ACMSD: variants seen among roughly 807,000 people sequenced by gnomAD.
The protein encoded by ACMSD is 2-amino-3-carboxymuconate-6-semialdehyde decarboxylase.
ACMSD carries 37 observed loss-of-function variants against 45.9 expected under a neutral mutation model. That is an observed-to-expected ratio of 0.81 (90% confidence interval 0.62 to 1.06). The LOEUF is 1.06. Among genes scored for constraint, ACMSD ranks in the 50% least tolerant of loss-of-function variants. The pLI, the probability that ACMSD is intolerant of heterozygous loss-of-function variation, is 0.00. For missense variants in ACMSD, 434 were observed against 420.9 expected (o/e 1.03, Z -0.27); for synonymous variants, 138 against 148.8 (o/e 0.93, Z 0.53).
intron 8 of ACMSD, among the ~76,000 whole-genome samples, chr2:134,881,029 T>C (rs143847924): frequency 3.3e-5 from 5 of 152,252 alleles, no homozygotes; most frequent in African/African-American, 1.2e-4. Flanking sequence ...AGACAAAGTC[T>C]CACTCTGTCA....
intron 8 of ACMSD, among the ~76,000 whole-genome samples, chr2:134,878,623 G>A (rs928622316): frequency 6.6e-6 from 1 of 152,174 alleles, no homozygotes; most frequent in Admixed American, 6.5e-5. Context: ...CACTGTGCCA[G>A]GCCAATTCAA....
At chr2:134,872,330 C>G in intron 7 of ACMSD, 139 bp from the exon 8 acceptor site, 1 of 878,942 alleles carries the variant, frequency 1.1e-6, no homozygotes, top group East Asian at 2.6e-5. Context: ...TCCATCATCT[C>G]CCAGCATTCA....
intron 8 of ACMSD, among the ~76,000 whole-genome samples, chr2:134,886,246 A>ATTATTATTTTTTTTTTTTTTTTTT: frequency 8.7e-6 from 1 of 115,474 alleles, no homozygotes; most frequent in African/African-American, 3.6e-5. Flanking sequence ...TATTATTATT[A>ATTATTATTTTTTTTTTTTTTTTTT]TTTTTTTTTT....
intron 1 of ACMSD, among the ~76,000 whole-genome samples, chr2:134,841,645 T>C (rs887520709): frequency 6.6e-6 from 1 of 152,274 alleles, no homozygotes; most frequent in East Asian, 1.9e-4. Context: ...GTGAAAGATG[T>C]TTCAGGTTGA....
At chr2:134,861,143 C>T (rs1305250742) in intron 3 of ACMSD, among the ~76,000 whole-genome samples, 2 of 152,118 alleles carry the variant, frequency 1.3e-5, no homozygotes, top group Non-Finnish European at 2.9e-5. Flanking sequence ...TCCCTCTGTT[C>T]TAAAAGTATA....
At chr2:134,888,349 A>T (rs1689575884) in intron 8 of ACMSD, among the ~76,000 whole-genome samples, 1 of 152,214 alleles carries the variant, frequency 6.6e-6, no homozygotes. Context: ...TGAATAGCCA[A>T]AAACAAAAAA....
intron 8 of ACMSD, among the ~76,000 whole-genome samples, chr2:134,894,010 T>G (rs1254780535): frequency 1.3e-5 from 2 of 152,108 alleles, no homozygotes; most frequent in African/African-American, 2.4e-5. Context: ...ATGCCTATAT[T>G]AAAAAAGAAG....
At chr2:134,838,925 T>C (rs1034684730) in intron 1 of ACMSD, among the ~76,000 whole-genome samples, 186 bp downstream of exon 1, 4 of 152,212 alleles carry the variant, frequency 2.6e-5, no homozygotes, top group African/African-American at 4.8e-5. Flanking sequence ...TGAAATAACA[T>C]TGGATTAAAG....
At chr2:134,851,429 C>T (rs1687339336) in intron 2 of ACMSD, among the ~76,000 whole-genome samples, 1 of 151,970 alleles carries the variant, frequency 6.6e-6, no homozygotes, top group African/African-American at 2.4e-5. Flanking sequence ...ACATTCCTAC[C>T]AACAGTGTAG....
At chr2:134,878,710 C>T (rs143666443) in intron 8 of ACMSD, among the ~76,000 whole-genome samples, 29 of 152,344 alleles carry the variant, frequency 1.9e-4, no homozygotes, top group African/African-American at 7.0e-4. Context: ...GCAGTTTGTA[C>T]AGACTGCTTA....
intron 2 of ACMSD, among the ~76,000 whole-genome samples, chr2:134,847,299 C>A (rs1381991938): frequency 6.6e-6 from 1 of 151,752 alleles, no homozygotes; most frequent in Non-Finnish European, 1.5e-5. Flanking sequence ...TCAGACAGGG[C>A]CATGAAGGAT....
In ACMSD at chr2:134,838,721, A is replaced by G. The variant is rs1686646584; in HGVS notation, c.39A>G (p.Glu13=). ...TCCATAGTCATATTCTACCAAAAGA[A>G]TGGCCAGATCTAAAAAAGGTAATGG... The part of the protein sequence containing the change: ...IDIHSHILPK[E]WPDLKKRFGY... Residue 13 remains glutamate, a synonymous_variant, in exon 1 of 10, where the codon GAA becomes GAG. Coordinates refer to ENST00000356140, the MANE Select transcript of ACMSD (RefSeq NM_138326.3). 6.2e-7 allele frequency: 1 copy of G among 1,611,820 alleles called. No homozygotes were observed. Among genetic ancestry groups the G allele is most frequent in the African/African-American group, 1.3e-5 (1 of 74,876 alleles).
intron 2 of ACMSD, among the ~76,000 whole-genome samples, chr2:134,848,382 T>C (rs1184868770): frequency 3.3e-5 from 5 of 152,180 alleles, no homozygotes; most frequent in Non-Finnish European, 7.3e-5. Flanking sequence ...TTGAACTAAC[T>C]TACACCCCCA....
intron 8 of ACMSD, among the ~76,000 whole-genome samples, chr2:134,888,892 G>GATGAAAATGT (rs1410092907): frequency 6.6e-6 from 1 of 152,180 alleles, no homozygotes; most frequent in Non-Finnish European, 1.5e-5. Context: ...TTTGTGGGGT[G>GATGAAAATGT]ATGAAAATGT....
At chr2:134,843,404 TG>T (rs1269369332) in intron 1 of ACMSD, among the ~76,000 whole-genome samples, 3 of 152,124 alleles carry the variant, frequency 2.0e-5, no homozygotes, top group African/African-American at 7.2e-5. Context: ...TATACCTGGG[TG>T]GAATAAGACT....
intron 6 of ACMSD, among the ~76,000 whole-genome samples, chr2:134,869,665 T>C (rs1454882064): frequency 6.6e-6 from 1 of 151,994 alleles, no homozygotes; most frequent in Non-Finnish European, 1.5e-5. Flanking sequence ...TCTGCCTTCA[T>C]GGAGCTTATA....
At chr2:134,872,134 T>C (rs911227517) in intron 7 of ACMSD, among the ~76,000 whole-genome samples, 2 of 152,002 alleles carry the variant, frequency 1.3e-5, no homozygotes, top group Non-Finnish European at 2.9e-5. Context: ...TTTTTTTGTA[T>C]TTTTAGTAGA....
intron 2 of ACMSD, among the ~76,000 whole-genome samples, chr2:134,852,707 C>T (rs773510896): frequency 1.3e-5 from 2 of 152,128 alleles, no homozygotes; most frequent in Non-Finnish European, 2.9e-5. Context: ...GCTGCAGTGA[C>T]TACAGAGGTT....
intron 8 of ACMSD, among the ~76,000 whole-genome samples, chr2:134,894,262 C>G (rs1689965164): frequency 6.6e-6 from 1 of 151,880 alleles, no homozygotes; most frequent in Non-Finnish European, 1.5e-5. Context: ...ATTCAAATTA[C>G]TAATACTAAA....
Sources: allele counts gnomAD v4.1 joint callset (sites outside exome capture counted in the v4.1 genomes callset), GRCh38; gene constraint gnomAD v4.1.1; transcripts MANE v1.5; gene names NCBI Gene and HGNC (gene_info 2026-07-23, HGNC 2026-07-21).